Variants in P3H2 observed in about 807,000 individuals in gnomAD.
P3H2 encodes leprecan-like 1.
Under a neutral mutation model 87.0 loss-of-function variants are expected in P3H2, and 80 were observed. The observed-to-expected ratio is 0.92, with a 90% CI of 0.77 to 1.11. P3H2 has a LOEUF of 1.11. P3H2 is among the 50% of genes least tolerant of loss of function. The pLI is 0.00. For missense variants in P3H2, 1,001 were observed against 923.9 expected (o/e 1.08, Z -1.08); for synonymous variants, 367 against 359.3 (o/e 1.02, Z -0.24).
intron 1 of P3H2, among the ~76,000 whole-genome samples, chr3:190,088,392 T>A (rs1189341649): frequency 1.3e-5 from 2 of 152,236 alleles, no homozygotes; most frequent in Non-Finnish European, 2.9e-5. Flanking sequence ...TGATTCTATA[T>A]TTCTTTGTTA....
intron 1 of P3H2, among the ~76,000 whole-genome samples, chr3:190,070,161 C>A (rs148559509): frequency 1.9e-4 from 29 of 152,128 alleles, no homozygotes; most frequent in African/African-American, 6.5e-4. Context: ...TAGGTCAGAT[C>A]CAGGGATTTA....
chr3:190,107,978 A>AT (rs35778272), intron 1 of P3H2, among the ~76,000 whole-genome samples: 4,079 of 145,208 alleles, frequency 0.028, 97 homozygotes, highest in African/African-American at 0.067. Context: ...ATTTTTACTT[A>AT]TTTTTTTTTT....
rs766027643 is a variant in P3H2 at position 190,117,758 on chromosome 3, G to A, written c.480+2494C>T. Among the ~76,000 whole-genome samples the A allele has an allele frequency of 4.6e-5, 7 of 151,080 alleles. No individual in the cohort carries two copies. In the East Asian group the frequency reaches 1.4e-3, roughly 29 times the overall value. On this transcript the variant is annotated intron_variant, in intron 1 of 14. Transcript: ENST00000319332. ...GGGGCTTTCTTGGGGGCTGGGGGAG[G>A]GGGGTGAAGGGGAGAGAAAAACCAT...
At chr3:190,099,923 C>A (rs115688766) in intron 1 of P3H2, among the ~76,000 whole-genome samples, 2,469 of 152,154 alleles carry the variant, frequency 0.016, 70 homozygotes, top group African/African-American at 0.056. Context: ...TTCTTCAGAA[C>A]CCTGACACTG....
At chr3:189,995,107 TA>T (rs1315440389) in intron 2 of P3H2, among the ~76,000 whole-genome samples, 182 bp downstream of exon 2, 2 of 152,254 alleles carry the variant, frequency 1.3e-5, no homozygotes, top group African/African-American at 2.4e-5. Flanking sequence ...ATTAAAATTT[TA>T]AAAAACCTCA....
Position 189,957,994 on chromosome 3 carries a change from T to C in P3H2, c.2045A>G (p.Gln682Arg). 6.2e-7 allele frequency: 1 copy of C among 1,612,958 alleles called. No individual in the cohort carries two copies. The highest frequency in any genetic ancestry group is 8.5e-7 in the Non-Finnish European group (1 of 1,178,880). Residue 682 changes from glutamine to arginine, a missense_variant, in exon 15 of 15, where the codon CAG becomes CGG. By Grantham distance (43) the Gln-to-Arg change is conservative (BLOSUM62 1). Transcript: ENST00000319332. ...DPLYRELERI[Q>R]ADEVIAILDQ... ...CAGAATTGCAATCACTTCATCAGCC[T>C]GTATTCGCTCCTGCAAAAAAGACAA...
chr3:190,004,727 G>C (rs1009475685), intron 1 of P3H2, among the ~76,000 whole-genome samples: 2 of 152,170 alleles, frequency 1.3e-5, no homozygotes, highest in African/African-American at 2.4e-5. Context: ...TCCAGGGACA[G>C]AGTTCCCCTT....
intron 1 of P3H2, among the ~76,000 whole-genome samples, chr3:190,027,624 CTTTT>C (rs539796963): frequency 6.6e-5 from 9 of 136,758 alleles, no homozygotes; most frequent in East Asian, 4.4e-4. Context: ...CGGTTTTTAC[CTTTT>C]TTTTTTTTTT....
At position 189,989,322 on chromosome 3, in the gene P3H2, C is replaced by T. The variant is rs1719607; in HGVS notation, c.824-284G>A. On this transcript the variant is annotated intron_variant, in intron 3 of 14. Coordinates refer to ENST00000319332, the MANE Select transcript of P3H2 (RefSeq NM_018192.4). ...CCCTTCCCATGTACACTTTTTATAC[C>T]CCACAGTCCACTTTACCCCACCTAC... Among the ~76,000 whole-genome samples, 29,271 of 152,040 alleles carry T rather than the reference C, an allele frequency of 0.19. 3,457 individuals are homozygous for T. Among genetic ancestry groups the T allele is most frequent in the Non-Finnish European group, 0.27 (18,593 of 67,952 alleles).
chr3:190,055,333 T>C (rs1246990091), intron 1 of P3H2, among the ~76,000 whole-genome samples: 4 of 152,212 alleles, frequency 2.6e-5, no homozygotes, highest in African/African-American at 9.6e-5. Context: ...TGCCAAAAAG[T>C]GACATTATAT....
intron 11 of P3H2, among the ~76,000 whole-genome samples, chr3:189,972,643 G>T (rs1043693959): frequency 1.3e-5 from 2 of 152,194 alleles, no homozygotes; most frequent in African/African-American, 4.8e-5. Context: ...AGCAATTGGG[G>T]AAAATTGATT....
At chr3:189,960,134 C>G (rs1722769063) in intron 14 of P3H2, among the ~76,000 whole-genome samples, 1 of 152,142 alleles carries the variant, frequency 6.6e-6, no homozygotes, top group Admixed American at 6.6e-5. Flanking sequence ...CTGGAATACT[C>G]TCCTCCAGAC....
At chr3:189,987,462 A>T (rs190806596) in intron 5 of P3H2, 65 bp downstream of exon 5, 2 of 1,531,150 alleles carry the variant, frequency 1.3e-6, no homozygotes, top group Admixed American at 3.9e-5. Flanking sequence ...CTGGGCAACA[A>T]GAGCGAAACT....
intron 14 of P3H2, chr3:189,963,580 A>C: frequency 4.3e-6 from 1 of 233,152 alleles, no homozygotes; most frequent in Admixed American, 4.9e-5. Context: ...GAGTAACTGG[A>C]ACTACAGGCG....
intron 1 of P3H2, among the ~76,000 whole-genome samples, chr3:190,038,185 G>A (rs536942544): frequency 3.3e-5 from 5 of 150,366 alleles, no homozygotes; most frequent in Non-Finnish European, 5.9e-5. Flanking sequence ...GTCGCGAGCC[G>A]AGATTGCGCC....
intron 11 of P3H2, 150 bp downstream of exon 11, chr3:189,972,724 G>T: frequency 1.3e-6 from 1 of 774,332 alleles, no homozygotes; most frequent in Non-Finnish European, 2.2e-6. Flanking sequence ...AAAGAAAGAA[G>T]CAGAATAAGA....
At chr3:190,110,832 T>C (rs1712042515) in intron 1 of P3H2, among the ~76,000 whole-genome samples, 1 of 152,234 alleles carries the variant, frequency 6.6e-6, no homozygotes, top group Non-Finnish European at 1.5e-5. Context: ...TCCAGATTTG[T>C]TAGAAGTTTC....
chr3:190,003,464 G>C (rs1254244043), intron 1 of P3H2, among the ~76,000 whole-genome samples: 1 of 149,074 alleles, frequency 6.7e-6, no homozygotes, highest in Middle Eastern at 3.4e-3. Flanking sequence ...TTTCCGATTA[G>C]AGACTATTAA....
intron 1 of P3H2, among the ~76,000 whole-genome samples, chr3:190,016,510 C>T (rs1724758701): frequency 6.6e-6 from 1 of 152,150 alleles, no homozygotes; most frequent in East Asian, 1.9e-4. Context: ...TCCCAAAGTA[C>T]TGGGATTACA....
Sources: allele counts gnomAD v4.1 joint callset (sites outside exome capture counted in the v4.1 genomes callset), GRCh38; gene constraint gnomAD v4.1.1; transcripts MANE v1.5; gene names NCBI Gene and HGNC (gene_info 2026-07-23, HGNC 2026-07-21).